GSG1L: variants seen among roughly 807,000 people sequenced by gnomAD.
GSG1L encodes the protein germ cell-specific gene 1-like protein.
GSG1L carries 24 observed loss-of-function variants against 42.1 expected under a neutral mutation model. The ratio of observed to expected loss-of-function variants is 0.57; its 90% confidence interval spans 0.41 to 0.80. The LOEUF (loss-of-function observed/expected upper bound fraction) is 0.80, where lower values mean the gene tolerates loss of function less well. GSG1L is among the 30% of genes least tolerant of loss of function. The pLI, the probability that GSG1L is intolerant of heterozygous loss-of-function variation, is 0.00. For missense variants in GSG1L, 445 were observed against 472.2 expected, an observed-to-expected ratio of 0.94 and a Z score of 0.53; for synonymous variants, 215 against 203.5, an observed-to-expected ratio of 1.06 and a Z score of -0.48.
chr16:27,901,910 C>T (rs931288952), intron 2 of GSG1L, among the ~76,000 whole-genome samples: 1 of 152,244 alleles, frequency 6.6e-6, no homozygotes, highest in African/African-American at 2.4e-5. Flanking sequence ...GGCCTTTGCA[C>T]TTGCTGTGCC....
intron 2 of GSG1L, among the ~76,000 whole-genome samples, chr16:27,959,732 C>T (rs4788015): frequency 0.52 from 79,343 of 151,632 alleles, 21,217 homozygotes; most frequent in East Asian, 0.75. Context: ...CAGTGAGCTA[C>T]GATCGCACCA....
chr16:27,900,121 A>G (rs748561059), intron 2 of GSG1L, among the ~76,000 whole-genome samples: 5 of 152,088 alleles, frequency 3.3e-5, no homozygotes, highest in Non-Finnish European at 5.9e-5. Context: ...GACTGCACAA[A>G]CCCAGACACT....
At chr16:28,007,492 TTGGTTGGTTGGTTGGTTGGTTGG>T (rs912198932) in intron 1 of GSG1L, among the ~76,000 whole-genome samples, 6 of 88,528 alleles carry the variant, frequency 6.8e-5, no homozygotes, top group African/African-American at 2.3e-4. Context: ...GGTTGGTTGG[TTGGTTGGTTGGTTGGTTGGTTGG>T]TGGTTGGTTG....
At chr16:27,971,735 A>T (rs2085195350) in intron 1 of GSG1L, among the ~76,000 whole-genome samples, 1 of 152,044 alleles carries the variant, frequency 6.6e-6, no homozygotes, top group African/African-American at 2.4e-5. Context: ...CTTGGAGGGG[A>T]TGCATTCATT....
intron 3 of GSG1L, among the ~76,000 whole-genome samples, chr16:27,875,820 C>A (rs1567499436): frequency 6.6e-6 from 1 of 152,194 alleles, no homozygotes; most frequent in Non-Finnish European, 1.5e-5. Context: ...GCTCTCTCTA[C>A]CTCTAGAATT....
In GSG1L at chr16:27,911,266, G is replaced by GCTCGCTCTCTCTCT. The variant is rs568864667; in HGVS notation, c.398-26629_398-26628insAGAGAGAGAGCGAG. On this transcript the variant is annotated intron_variant, in intron 2 of 6. Transcript: ENST00000447459. ...TCTCTAGCCTCATCACCTCTCTCTCGCTCTCTCTCTCTCTCTCTCTCTCTC... is the reference window on the plus strand; with the variant it reads ...TCTCTAGCCTCATCACCTCTCTCTCGCTCGCTCTCTCTCTCTCTCTCTCTCTCTCTCTCTCTCTC... Among the ~76,000 whole-genome samples the GCTCGCTCTCTCTCT allele has an allele frequency of 3.8e-3, 467 of 122,132 alleles. 1 individual carries two copies. Among genetic ancestry groups the GCTCGCTCTCTCTCT allele is most frequent in the African/African-American group, 0.016 (447 of 28,614 alleles). The allele number at this position is 122,132 out of a possible 152,430, so 80.1% of individuals were successfully genotyped here. A position where few individuals can be genotyped will look rare whatever the true frequency, so the allele number is the denominator to read the frequency against.
At chr16:27,920,979 A>G (rs2084518095) in intron 2 of GSG1L, among the ~76,000 whole-genome samples, 1 of 152,142 alleles carries the variant, frequency 6.6e-6, no homozygotes, top group African/African-American at 2.4e-5. Flanking sequence ...GGAAACTTTT[A>G]TGTTCTATCA....
At position 27,807,492 on chromosome 16, in the gene GSG1L, G is replaced by A. The variant is rs753399352; in HGVS notation, c.893C>T (p.Pro298Leu). 1.4e-5 allele frequency: 22 copies of A among 1,612,726 alleles called. No individual in the cohort carries two copies. The South Asian group carries it at 1.4e-4, about 10-fold the overall frequency. Residue 298 changes from proline (P) to leucine (L), a missense_variant, in exon 6 of 7, where the codon CCT (proline) becomes CTT (leucine). Physicochemically the swap from Pro to Leu is moderately conservative, Grantham distance 98 (BLOSUM62 -3). Coordinates refer to ENST00000447459, the MANE Select transcript of GSG1L (RefSeq NM_001109763.2). ...CCCACAAACAGGCCACTTACGGGCA[G>A]GGTATCTCTCGTGGCGGCAGTCTAA... ...FHLDCRHERY[P>L]ARHQPHMADS... is the part of the protein sequence containing the mutation.
intron 3 of GSG1L, among the ~76,000 whole-genome samples, chr16:27,846,424 G>T (rs973662199): frequency 3.9e-5 from 6 of 152,178 alleles, no homozygotes; most frequent in African/African-American, 1.4e-4. Flanking sequence ...CAGGATAGTA[G>T]GAGCACAACA....
chr16:27,856,230 T>C (rs898578260), intron 3 of GSG1L, among the ~76,000 whole-genome samples: 5 of 152,082 alleles, frequency 3.3e-5, no homozygotes, highest in African/African-American at 9.7e-5. Context: ...AATATCCTTG[T>C]GGTGGGGAGG....
At chr16:27,842,928 G>A (rs935861894) in intron 4 of GSG1L, among the ~76,000 whole-genome samples, 5 of 151,368 alleles carry the variant, frequency 3.3e-5, no homozygotes, top group African/African-American at 4.9e-5. Flanking sequence ...CTGGGGACCC[G>A]CCCCACCCAA....
At chr16:27,930,938 A>T (rs370760921) in intron 2 of GSG1L, among the ~76,000 whole-genome samples, 2 of 151,848 alleles carry the variant, frequency 1.3e-5, no homozygotes, top group South Asian at 2.1e-4. Context: ...GGGCCTTGTT[A>T]TGTTGCCCAG....
At chr16:28,025,845 G>T (rs2085895223) in intron 1 of GSG1L, among the ~76,000 whole-genome samples, 1 of 152,210 alleles carries the variant, frequency 6.6e-6, no homozygotes, top group Non-Finnish European at 1.5e-5. Context: ...CCCAGGGACT[G>T]CAACAGAAGT....
At chr16:27,957,273 G>T (rs560619621) in intron 2 of GSG1L, among the ~76,000 whole-genome samples, 2 of 152,212 alleles carry the variant, frequency 1.3e-5, no homozygotes, top group African/African-American at 4.8e-5. Flanking sequence ...CTTGAACCCA[G>T]GAGGTGGAGT....
In GSG1L at chr16:27,898,136, G is replaced by C. The variant is rs1450487479; in HGVS notation, c.398-13498C>G. Among the ~76,000 whole-genome samples the C allele has an allele frequency of 2.6e-5, 4 of 152,174 alleles. No individual in the cohort carries two copies. In the East Asian group the frequency reaches 7.7e-4, roughly 29 times the overall value. On this transcript the variant is annotated intron_variant, in intron 2 of 6. Coordinates refer to ENST00000447459, the MANE Select transcript of GSG1L (RefSeq NM_001109763.2). ...TTTAGAAATGGCTCTTTTGGAATCT[G>C]GGGACAGTTGCTGAGCCTGTGAGAT...
At chr16:27,918,503 C>T (rs989294060) in intron 2 of GSG1L, among the ~76,000 whole-genome samples, 4 of 151,706 alleles carry the variant, frequency 2.6e-5, no homozygotes, top group African/African-American at 9.7e-5. Flanking sequence ...ACTAAAAATA[C>T]AAAAAATTAG....
chr16:28,022,640 T>G (rs2141167239), intron 1 of GSG1L, among the ~76,000 whole-genome samples: 1 of 151,464 alleles, frequency 6.6e-6, no homozygotes, highest in Non-Finnish European at 1.5e-5. Context: ...CCCAGCTAAT[T>G]TTTGTATTTT....
chr16:27,828,254 C>T (rs961963407), intron 5 of GSG1L, among the ~76,000 whole-genome samples: 8 of 152,162 alleles, frequency 5.3e-5, no homozygotes, highest in African/African-American at 1.9e-4. Flanking sequence ...TCTACCTACC[C>T]ATCCACCCGC....
At chr16:28,027,109 A>G (rs1317201427) in intron 1 of GSG1L, among the ~76,000 whole-genome samples, 1 of 152,140 alleles carries the variant, frequency 6.6e-6, no homozygotes, top group Non-Finnish European at 1.5e-5. Context: ...GGGGGGAATT[A>G]ATAATTATAA....
Sources: allele counts gnomAD v4.1 joint callset (sites outside exome capture counted in the v4.1 genomes callset), GRCh38; gene constraint gnomAD v4.1.1; transcripts MANE v1.5; gene names NCBI Gene and HGNC (gene_info 2026-07-23, HGNC 2026-07-21).